Variants in SLC30A4 observed in about 807,000 individuals in gnomAD.
The protein encoded by SLC30A4 is solute carrier family 30 member 4.
In SLC30A4, 20 loss-of-function variants were observed where a neutral mutation model predicts 41.7. That is an observed-to-expected ratio of 0.48 (90% confidence interval 0.34 to 0.70). The LOEUF is 0.70. Among genes scored for constraint, SLC30A4 ranks in the 30% least tolerant of loss-of-function variants. The pLI is 0.01. For missense variants in SLC30A4, 441 were observed against 529.3 expected, an observed-to-expected ratio of 0.83 and a Z score of 1.64; for synonymous variants, 181 against 195.9, an observed-to-expected ratio of 0.92 and a Z score of 0.64.
Position 45,481,656 on chromosome 15 carries a change from G to C in SLC30A4, c.*3507C>G, listed in dbSNP as rs1029597237. ...TCACAGGGCATAGAGCTCTTTGAGA[G>C]CTCAGCTGAGAAGTGTAATGCATGG... On this transcript the variant is annotated 3_prime_UTR_variant, in exon 8 of 8. Transcript: ENST00000261867. 6.6e-6 allele frequency: 1 copy of C among 152,148 alleles called. No individual in the cohort carries two copies. The highest frequency in any genetic ancestry group is 1.5e-5 in the Non-Finnish European group (1 of 68,042). The allele number at this position is 152,148 out of a possible 1,614,324, so 9.4% of individuals were successfully genotyped here. A position where few individuals can be genotyped will look rare whatever the true frequency, so the allele number is the denominator to read the frequency against.
intron 2 of SLC30A4, among the ~76,000 whole-genome samples, chr15:45,515,498 C>CA (rs1330771612): frequency 6.6e-6 from 1 of 151,704 alleles, no homozygotes; most frequent in Non-Finnish European, 1.5e-5. Context: ...ACCAAAAATA[C>CA]AAAAAAATAG....
chr15:45,497,547 G>C (rs551609545), intron 3 of SLC30A4, among the ~76,000 whole-genome samples: 2 of 151,950 alleles, frequency 1.3e-5, no homozygotes, highest in African/African-American at 2.4e-5. Flanking sequence ...TATAGTCAAT[G>C]ATCTAATAAA....
intron 6 of SLC30A4, 96 bp from the exon 7 acceptor site, chr15:45,486,841 T>G (rs1430838445): frequency 1.5e-6 from 1 of 658,502 alleles, no homozygotes; most frequent in African/African-American, 1.9e-5. Flanking sequence ...CAAATGGCTT[T>G]GCTAAATTCA....
rs772838892 is a variant in SLC30A4 at position 45,485,184 on chromosome 15, A to G, written c.1269T>C (p.Asn423=). Residue 423 remains asparagine, a synonymous_variant, in exon 8 of 8, where the codon AAT becomes AAC. Coordinates refer to ENST00000261867, the MANE Select transcript of SLC30A4 (RefSeq NM_013309.6). ...AAAATTAGGGACTAGAACTCTGACA[A>G]TTTGCACAAGTTCTGTCCACTTCTT... is the stretch of plus-strand genomic sequence containing the variant. ...YRQEVDRTCA[N]CQSSSP 5 of 1,612,516 alleles carry G rather than the reference A, an allele frequency of 3.1e-6. No individual in the cohort carries two copies. The South Asian group carries it at 4.4e-5, about 14-fold the overall frequency.
At chr15:45,487,754 A>T (rs1891731673) in intron 5 of SLC30A4, 122 bp from the exon 6 acceptor site, 2 of 574,238 alleles carry the variant, frequency 3.5e-6, no homozygotes, top group South Asian at 4.6e-5. Flanking sequence ...GAATACCTTT[A>T]AAACTTGGAT....
At chr15:45,500,009 T>C (rs899355146) in intron 3 of SLC30A4, among the ~76,000 whole-genome samples, 2 of 152,216 alleles carry the variant, frequency 1.3e-5, no homozygotes, top group Non-Finnish European at 2.9e-5. Flanking sequence ...AAATGAACTG[T>C]TACATTGCAA....
chr15:45,516,218 A>G (rs534103870), intron 2 of SLC30A4, among the ~76,000 whole-genome samples: 1 of 152,138 alleles, frequency 6.6e-6, no homozygotes, highest in South Asian at 2.1e-4. Context: ...CTTCACCCAC[A>G]CTTCCAGAGG....
intron 3 of SLC30A4, among the ~76,000 whole-genome samples, chr15:45,491,699 C>G (rs970200652): frequency 6.6e-6 from 1 of 152,072 alleles, no homozygotes; most frequent in Admixed American, 6.6e-5. Context: ...AAGACTCTAT[C>G]TCTAAAAAAC....
At chr15:45,521,853 A>T in intron 2 of SLC30A4, 111 bp downstream of exon 2, 1 of 1,115,142 alleles carries the variant, frequency 9.0e-7, no homozygotes, top group Non-Finnish European at 1.3e-6. Context: ...GTGTCTTGAT[A>T]AATACAAACT....
chr15:45,487,960 A>AGTGTGTGTGTGT lies in SLC30A4; in HGVS notation c.895-340_895-329dup, dbSNP rs58392709. Among the ~76,000 whole-genome samples, 146 of 139,766 alleles carry AGTGTGTGTGTGT rather than the reference A, an allele frequency of 1.0e-3. 2 individuals are homozygous for AGTGTGTGTGTGT. Among genetic ancestry groups the AGTGTGTGTGTGT allele is most frequent in the Middle Eastern group, 7.2e-3 (2 of 278 alleles). The allele number at this position is 139,766 out of a possible 152,430, so 91.7% of individuals were successfully genotyped here. On this transcript the variant is annotated intron_variant, in intron 5 of 7. Coordinates refer to ENST00000261867, the MANE Select transcript of SLC30A4 (RefSeq NM_013309.6). Reference sequence around the variant, plus strand: ...TGTGTGTGTGTCAAAGCTGGAAAAAAGTGTGTGTGTGTGTGTGTGTGTGTG... The same window carrying AGTGTGTGTGTGT: ...TGTGTGTGTGTCAAAGCTGGAAAAAAGTGTGTGTGTGTGTGTGTGTGTGTGTGTGTGTGTGTG...
In SLC30A4 at chr15:45,481,365, A is replaced by T. The variant is rs1307765979; in HGVS notation, c.*3798T>A. On this transcript the variant is annotated 3_prime_UTR_variant, in exon 8 of 8. Transcript: ENST00000261867. ...TCTGAGACATGCTTTCTTCAATTAC[A>T]CTCCCATTATGTTTCTAAGGCAGCA... 6.6e-6 allele frequency: 1 copy of T among 152,112 alleles called. No homozygotes were observed. Among genetic ancestry groups the T allele is most frequent in the Non-Finnish European group, 1.5e-5 (1 of 68,034 alleles). 9.4% of individuals were successfully genotyped at this position (152,112 alleles called of 1,614,324 possible).
At position 45,484,511 on chromosome 15, in the gene SLC30A4, T is replaced by G. The variant is rs1027588516; in HGVS notation, c.*652A>C. The G allele has an allele frequency of 3.3e-5, 5 of 152,208 alleles. No individual in the cohort carries two copies. Among genetic ancestry groups the G allele is most frequent in the Admixed American group, 3.3e-4 (5 of 15,268 alleles). The allele number at this position is 152,208 out of a possible 1,614,324, so 9.4% of individuals were successfully genotyped here. A position where few individuals can be genotyped will look rare whatever the true frequency, so the allele number is the denominator to read the frequency against. On this transcript the variant is annotated 3_prime_UTR_variant, in exon 8 of 8. Transcript: ENST00000261867. ...ATAAATAAAGATTTGGTTCTAAGAT[T>G]ACAAATAATGAAAAATGTTAACTTT...
chr15:45,499,031 T>C (rs538845526), intron 3 of SLC30A4, among the ~76,000 whole-genome samples: 3 of 152,030 alleles, frequency 2.0e-5, no homozygotes, highest in African/African-American at 7.2e-5. Flanking sequence ...CTATGTATCA[T>C]TAGGAAAGAC....
intron 6 of SLC30A4, 91 bp from the exon 7 acceptor site, chr15:45,486,836 G>T: frequency 1.5e-6 from 1 of 683,282 alleles, no homozygotes; most frequent in Non-Finnish European, 2.3e-6. Context: ...GAAAACAAAT[G>T]GCTTTGCTAA....
At chr15:45,499,445 A>G (rs573329304) in intron 3 of SLC30A4, among the ~76,000 whole-genome samples, 1 of 152,270 alleles carries the variant, frequency 6.6e-6, no homozygotes, top group South Asian at 2.1e-4. Flanking sequence ...TGCTTACTAC[A>G]GTCCTTTCAC....
rs1891619388 is a variant in SLC30A4 at position 45,482,587 on chromosome 15, A to C, written c.*2576T>G. 1 of 152,156 alleles carries C rather than the reference A, an allele frequency of 6.6e-6. No homozygotes were observed. Among genetic ancestry groups the C allele is most frequent in the Non-Finnish European group, 1.5e-5 (1 of 68,026 alleles). 9.4% of individuals were successfully genotyped at this position (152,156 alleles called of 1,614,324 possible). A position where few individuals can be genotyped will look rare whatever the true frequency, so the allele number is the denominator to read the frequency against. On this transcript the variant is annotated 3_prime_UTR_variant, in exon 8 of 8. Coordinates refer to ENST00000261867, the MANE Select transcript of SLC30A4 (RefSeq NM_013309.6). The stretch of plus-strand genomic sequence containing the variant: ...TAAAAAAATGATTAGAGTATGATGA[A>C]TATTTTTTTCCTTTCTACTTGCTAG...
chr15:45,488,757 C>T, intron 5 of SLC30A4, 84 bp downstream of exon 5: 2 of 1,012,490 alleles, frequency 2.0e-6, no homozygotes, highest in Admixed American at 1.8e-5. Flanking sequence ...CACTGGTGTC[C>T]AGTATACTGA....
In SLC30A4 at chr15:45,479,793, T is replaced by C. The variant is rs1428279624; in HGVS notation, c.*5370A>G. The C allele has an allele frequency of 3.3e-5, 5 of 151,822 alleles. No homozygotes were observed. The East Asian group carries it at 9.6e-4, about 29-fold the overall frequency. 9.4% of individuals were successfully genotyped at this position (151,822 alleles called of 1,614,324 possible). ...ATAAACCACATGGCAAAACAATACT[T>C]TAATAAGTGTATAGGAAATTACAAT... On this transcript the variant is annotated 3_prime_UTR_variant, in exon 8 of 8. Coordinates refer to ENST00000261867, the MANE Select transcript of SLC30A4 (RefSeq NM_013309.6).
At chr15:45,496,134 A>G (rs564639697) in intron 3 of SLC30A4, among the ~76,000 whole-genome samples, 4 of 152,350 alleles carry the variant, frequency 2.6e-5, no homozygotes, top group Admixed American at 2.6e-4. Context: ...CTATCTAACT[A>G]AAAATTCTAA....
Sources: allele counts gnomAD v4.1 joint callset (sites outside exome capture counted in the v4.1 genomes callset), GRCh38; gene constraint gnomAD v4.1.1; transcripts MANE v1.5; gene names NCBI Gene and HGNC (gene_info 2026-07-23, HGNC 2026-07-21).